The following DNAH14 variants were observed in gnomAD, a reference collection of about 807,000 sequenced individuals.
DNAH14 encodes axonemal beta dynein heavy chain 14.
DNAH14 carries 478 observed loss-of-function variants against 520.9 expected under a neutral mutation model. The observed-to-expected ratio is 0.92, with a 90% CI of 0.85 to 0.99. The LOEUF is 0.99. Ranked by LOEUF, DNAH14 falls within the 50% of genes least tolerant of loss-of-function variation. The pLI is 0.00. For synonymous variants in DNAH14, 1,581 were observed against 1,757.2 expected, an observed-to-expected ratio of 0.90 and a Z score of 2.51; for missense variants, 4,831 against 5,234.5, an observed-to-expected ratio of 0.92 and a Z score of 2.38.
At chr1:225,262,121 C>T (rs964717240) in intron 46 of DNAH14, among the ~76,000 whole-genome samples, 4 of 151,422 alleles carry the variant, frequency 2.6e-5, no homozygotes, top group African/African-American at 9.7e-5. Context: ...TCCTTATTAT[C>T]AAATGTAAAA....
intron 19 of DNAH14, among the ~76,000 whole-genome samples, chr1:225,081,497 G>T (rs1376493893): frequency 6.6e-6 from 1 of 152,134 alleles, no homozygotes; most frequent in African/African-American, 2.4e-5. Context: ...ACGTGCTTCG[G>T]AGAACAGTAA....
chr1:225,143,515 C>T (rs1423431039), intron 28 of DNAH14, among the ~76,000 whole-genome samples: 1 of 152,090 alleles, frequency 6.6e-6, no homozygotes, highest in Non-Finnish European at 1.5e-5. Flanking sequence ...GATATACACA[C>T]TACTACATGA....
intron 84 of DNAH14, chr1:225,397,908 G>C (rs6426071): frequency 6.6e-6 from 1 of 151,512 alleles, no homozygotes; most frequent in South Asian, 2.1e-4. Context: ...TTAGGCGGGC[G>C]TGGTGGTGTG....
At chr1:225,310,650 A>G (rs565075325) in intron 60 of DNAH14, among the ~76,000 whole-genome samples, 18 of 152,068 alleles carry the variant, frequency 1.2e-4, no homozygotes, top group Admixed American at 2.0e-4. Flanking sequence ...CCCTGTGCCC[A>G]TATGTTCTCA....
At chr1:225,195,475 A>G (rs1365179510) in intron 38 of DNAH14, among the ~76,000 whole-genome samples, 1 of 151,552 alleles carries the variant, frequency 6.6e-6, no homozygotes, top group Non-Finnish European at 1.5e-5. Context: ...GGATACAAAG[A>G]TGGGAACAAT....
chr1:225,234,107 A>G (rs1218645335), intron 42 of DNAH14, among the ~76,000 whole-genome samples: 1 of 151,916 alleles, frequency 6.6e-6, no homozygotes, highest in East Asian at 1.9e-4. Flanking sequence ...TAGATGTACA[A>G]TCTTATTTCT....
intron 17 of DNAH14, among the ~76,000 whole-genome samples, chr1:225,063,099 G>C (rs986727808): frequency 2.0e-5 from 3 of 147,894 alleles, no homozygotes; most frequent in Non-Finnish European, 4.5e-5. Flanking sequence ...ATGAAAACAT[G>C]AACATAACAG....
chr1:225,267,006 A>G (rs1471550020), intron 49 of DNAH14, among the ~76,000 whole-genome samples: 1 of 152,166 alleles, frequency 6.6e-6, no homozygotes, highest in Non-Finnish European at 1.5e-5. Context: ...AATTGCATGT[A>G]TGTCCTCAAG....
intron 77 of DNAH14, among the ~76,000 whole-genome samples, chr1:225,368,476 T>C (rs1421697867): frequency 6.6e-6 from 1 of 152,226 alleles, no homozygotes; most frequent in African/African-American, 2.4e-5. Flanking sequence ...AGAGATTCCA[T>C]TGACCCATTG....
chr1:225,299,041 T>C (rs189965611), intron 55 of DNAH14, among the ~76,000 whole-genome samples: 117 of 152,334 alleles, frequency 7.7e-4, no homozygotes, highest in Non-Finnish European at 1.5e-3. Context: ...CAGTCTCCCA[T>C]TGACACTCTA....
At chr1:225,275,620 C>T (rs2093447248) in intron 52 of DNAH14, among the ~76,000 whole-genome samples, 1 of 152,154 alleles carries the variant, frequency 6.6e-6, no homozygotes. Flanking sequence ...AACCTGGGAT[C>T]CACAGACCCT....
Position 225,335,386 on chromosome 1 carries a change from CAT to C in DNAH14, c.10081-1876_10081-1875del, listed in dbSNP as rs1459467528. On this transcript the variant is annotated intron_variant, in intron 66 of 85. Transcript: ENST00000682510. Reference sequence around the variant, plus strand: ...ACGTGTACATGTGTGTGTATATGCACATATACACATGTGTACATGTGTGTGTA... The same window carrying C: ...ACGTGTACATGTGTGTGTATATGCACATACACATGTGTACATGTGTGTGTA... Among the ~76,000 whole-genome samples, 4 of 89,230 alleles carry C rather than the reference CAT, an allele frequency of 4.5e-5. 1 individual carries two copies. The highest frequency in any genetic ancestry group is 1.5e-4 in the African/African-American group (3 of 20,572). The allele number at this position is 89,230 out of a possible 152,430, so 58.5% of individuals were successfully genotyped here.
chr1:225,043,984 G>A lies in DNAH14; in HGVS notation c.1912+1G>A, dbSNP rs1374540819. The A allele has an allele frequency of 6.8e-7, 1 of 1,463,740 alleles. No individual in the cohort carries two copies. The highest frequency in any genetic ancestry group is 1.4e-5 in the African/African-American group (1 of 70,160). 90.7% of individuals were successfully genotyped at this position (1,463,740 alleles called of 1,614,324 possible). On this transcript the variant is annotated splice_donor_variant, in intron 15 of 85. Coordinates refer to ENST00000682510, the MANE Select transcript of DNAH14 (RefSeq NM_001367479.1). LOFTEE classifies it high-confidence loss of function. Reference sequence around the variant, plus strand: ...TTGACTAATATGGAAAAATGTATAAGTAAGTGTTTTTAAAGCTTAGTGAAA... The same window carrying A: ...TTGACTAATATGGAAAAATGTATAAATAAGTGTTTTTAAAGCTTAGTGAAA...
intron 7 of DNAH14, among the ~76,000 whole-genome samples, chr1:224,973,227 C>T (rs2061605021): frequency 6.6e-6 from 1 of 152,206 alleles, no homozygotes; most frequent in Non-Finnish European, 1.5e-5. Context: ...AGGCCTCTTT[C>T]AGCCATCTTT....
rs966438338 is a variant in DNAH14, at chr1:225,377,425, C to T, written c.12705C>T (p.Asn4235=). The T allele has an allele frequency of 6.5e-6, 10 of 1,549,154 alleles. No individual in the cohort carries two copies. In the African/African-American group the frequency reaches 1.4e-4, roughly 21 times the overall value. ...TGCAACCAAAAACTACCACTGCCAA[C>T]CTCATGATCAGGTAAGAACTCGCTA... ...IAMQPKTTTA[N]LMIRPEQSKD... The change falls in exon 79 of 86, where the codon AAC becomes AAT. Residue 4235 remains asparagine (N), a synonymous_variant. Coordinates refer to ENST00000682510, the MANE Select transcript of DNAH14 (RefSeq NM_001367479.1).
chr1:225,052,017 GAT>G (rs1364093554), intron 17 of DNAH14, among the ~76,000 whole-genome samples: 6 of 152,072 alleles, frequency 3.9e-5, no homozygotes, highest in South Asian at 2.1e-4. Context: ...AACCTTCTCT[GAT>G]CACATCTATT....
At chr1:224,991,384 C>T (rs546434209) in intron 8 of DNAH14, among the ~76,000 whole-genome samples, 122 of 151,702 alleles carry the variant, frequency 8.0e-4, no homozygotes, top group African/African-American at 2.9e-3. Flanking sequence ...GGATTAGAGG[C>T]GCCCGGCTGA....
chr1:225,203,204 A>G (rs891478690), intron 38 of DNAH14, among the ~76,000 whole-genome samples: 2 of 152,178 alleles, frequency 1.3e-5, no homozygotes, highest in African/African-American at 4.8e-5. Flanking sequence ...TAGGAGCTGC[A>G]ATCTAGTCCT....
intron 42 of DNAH14, among the ~76,000 whole-genome samples, chr1:225,239,992 G>A (rs1466205319): frequency 1.3e-5 from 2 of 152,154 alleles, no homozygotes; most frequent in Non-Finnish European, 2.9e-5. Context: ...TACCAACCAT[G>A]GGTGATCTGG....
Sources: gnomAD v4.1 joint callset for allele counts (sites outside exome capture counted in the v4.1 genomes callset) on GRCh38, gnomAD v4.1.1 for gene constraint, MANE v1.5 for transcripts, NCBI Gene and HGNC (gene_info 2026-07-23, HGNC 2026-07-21) for gene names.